The following RYR3 variants were observed in gnomAD, a reference collection of about 807,000 sequenced individuals.
RYR3 encodes the protein brain ryanodine receptor-calcium release channel.
Under a neutral mutation model 584.3 loss-of-function variants are expected in RYR3, and 207 were observed. That is an observed-to-expected ratio of 0.35 (90% CI 0.32 to 0.40). RYR3 has a LOEUF of 0.40. RYR3 is among the 10% of genes least tolerant of loss of function. The pLI is 1.00. For missense variants in RYR3, 5,616 were observed against 6,089.2 expected (o/e 0.92, Z 2.59); for synonymous variants, 2,416 against 2,248.5 (o/e 1.07, Z -2.11).
At chr15:33,761,670 G>C (rs1033135689) in intron 60 of RYR3, among the ~76,000 whole-genome samples, 3 of 152,166 alleles carry the variant, frequency 2.0e-5, no homozygotes, top group African/African-American at 7.2e-5. Context: ...AATTCTGCCA[G>C]AGGTACAAAG....
chr15:33,403,650 TTAATG>T (rs1358144841), intron 1 of RYR3, among the ~76,000 whole-genome samples: 1 of 152,208 alleles, frequency 6.6e-6, no homozygotes, highest in Non-Finnish European at 1.5e-5. Context: ...TTAATCTAAA[TTAATG>T]TAATTTTAGA....
chr15:33,600,820 G>C (rs1267797385), intron 16 of RYR3, among the ~76,000 whole-genome samples: 1 of 152,162 alleles, frequency 6.6e-6, no homozygotes, highest in African/African-American at 2.4e-5. Flanking sequence ...CTACGTGCAA[G>C]ACCTTAGCCA....
At chr15:33,404,969 A>C (rs1221472532) in intron 1 of RYR3, among the ~76,000 whole-genome samples, 2 of 152,162 alleles carry the variant, frequency 1.3e-5, no homozygotes, top group Admixed American at 1.3e-4. Flanking sequence ...TTTGCCACCA[A>C]CTAGCTGTGT....
chr15:33,727,832 T>TA (rs1218919022), intron 46 of RYR3, among the ~76,000 whole-genome samples: 1 of 152,214 alleles, frequency 6.6e-6, no homozygotes, highest in Non-Finnish European at 1.5e-5. Context: ...TCCTAGTTTT[T>TA]AGTGTCAACA....
chr15:33,674,761 A>G (rs2064056288), intron 38 of RYR3, among the ~76,000 whole-genome samples: 1 of 149,822 alleles, frequency 6.7e-6, no homozygotes, highest in South Asian at 2.1e-4. Context: ...AGATGGATGG[A>G]TAAAATAAGA....
At chr15:33,579,840 C>A in intron 12 of RYR3, 136 bp from the exon 13 acceptor site, 1 of 492,126 alleles carries the variant, frequency 2.0e-6, no homozygotes. Context: ...CATTTTGTAG[C>A]TGCTGGTACA....
At chr15:33,555,613 T>C (rs980799238) in intron 10 of RYR3, among the ~76,000 whole-genome samples, 34 of 152,034 alleles carry the variant, frequency 2.2e-4, no homozygotes, top group African/African-American at 7.2e-5. Context: ...TTGTAAAAAA[T>C]AGAGATTTAA....
At chr15:33,537,428 A>G (rs944736942) in intron 5 of RYR3, among the ~76,000 whole-genome samples, 1 of 151,468 alleles carries the variant, frequency 6.6e-6, no homozygotes, top group Admixed American at 6.6e-5. Context: ...GGAACACATT[A>G]TCTAGTAACT....
intron 50 of RYR3, among the ~76,000 whole-genome samples, 182 bp downstream of exon 50, chr15:33,738,772 C>T (rs1411683424): frequency 6.6e-6 from 1 of 152,238 alleles, no homozygotes; most frequent in South Asian, 2.1e-4. Context: ...CCTTATTTTA[C>T]AGGTGAAGAA....
intron 63 of RYR3, among the ~76,000 whole-genome samples, chr15:33,773,037 C>A (rs1023455166): frequency 1.3e-5 from 2 of 152,172 alleles, no homozygotes; most frequent in Admixed American, 6.5e-5. Flanking sequence ...GAACACCCAG[C>A]AGAGAACCTG....
At position 33,660,329 on chromosome 15, in the gene RYR3, G is replaced by T. The variant is rs1452090389; in HGVS notation, c.4528G>T (p.Val1510Leu). 6.3e-7 allele frequency: 1 copy of T among 1,591,324 alleles called. No individual in the cohort carries two copies. Among genetic ancestry groups the T allele is most frequent in the Admixed American group, 1.8e-5 (1 of 56,754 alleles). Residue 1510 changes from valine to leucine, a missense_variant, in exon 34 of 104, where the codon GTG becomes TTG. By Grantham distance (32) the Val-to-Leu change is conservative. Coordinates refer to ENST00000634891, the MANE Select transcript of RYR3 (RefSeq NM_001036.6). ...WSRMPNSFLK[V>L]ETERVSERHG... ...CCGCATGCCCAACAGCTTCCTGAAG[G>T]TGGAGACCGAGCGTGTGAGCGAGCG...
At chr15:33,634,836 G>A in intron 25 of RYR3, 103 bp downstream of exon 25, 2 of 964,066 alleles carry the variant, frequency 2.1e-6, no homozygotes, top group South Asian at 1.5e-5. Flanking sequence ...ATTGGAAATA[G>A]TATTGGGGCT....
chr15:33,681,222 A>C (rs1388245979), intron 38 of RYR3, among the ~76,000 whole-genome samples: 1 of 152,212 alleles, frequency 6.6e-6, no homozygotes, highest in Non-Finnish European at 1.5e-5. Context: ...AGCCTCAGAA[A>C]AGAGTTAACC....
intron 1 of RYR3, among the ~76,000 whole-genome samples, chr15:33,317,483 G>C (rs746372118): frequency 3.3e-5 from 5 of 152,138 alleles, no homozygotes; most frequent in Non-Finnish European, 7.4e-5. Flanking sequence ...GAAGTCAGGG[G>C]GGGTGTTTTA....
intron 38 of RYR3, among the ~76,000 whole-genome samples, chr15:33,674,386 C>T (rs2064029919): frequency 6.6e-6 from 1 of 152,164 alleles, no homozygotes; most frequent in Admixed American, 6.5e-5. Context: ...GTCTTTCAAA[C>T]TCATTCTTTT....
chr15:33,664,614 T>TATATATATATATATATACAC (rs1491296584), intron 36 of RYR3, among the ~76,000 whole-genome samples: 17 of 120,532 alleles, frequency 1.4e-4, no homozygotes, highest in African/African-American at 4.9e-4. Context: ...TATATATATA[T>TATATATATATATATATACAC]ACGTATGTAT....
intron 1 of RYR3, among the ~76,000 whole-genome samples, chr15:33,359,793 T>G (rs956719209): frequency 2.0e-5 from 3 of 151,820 alleles, no homozygotes; most frequent in African/African-American, 7.3e-5. Flanking sequence ...TAATTTTTTT[T>G]GTATTTTTTA....
chr15:33,500,305 A>G (rs1362900492), intron 2 of RYR3, among the ~76,000 whole-genome samples: 2 of 152,204 alleles, frequency 1.3e-5, no homozygotes, highest in Non-Finnish European at 2.9e-5. Context: ...GTATGCTAGC[A>G]CAGTGCGAAG....
chr15:33,624,844 T>A (rs982532088), intron 20 of RYR3, among the ~76,000 whole-genome samples: 1 of 152,212 alleles, frequency 6.6e-6, no homozygotes, highest in Admixed American at 6.5e-5. Context: ...CTAAGGCACT[T>A]GGGGTTAATC....
Sources: allele counts gnomAD v4.1 joint callset (sites outside exome capture counted in the v4.1 genomes callset), GRCh38; gene constraint gnomAD v4.1.1; transcripts MANE v1.5; gene names NCBI Gene and HGNC (gene_info 2026-07-23, HGNC 2026-07-21).